The following PLCXD2 variants were observed in gnomAD, a reference collection of about 807,000 sequenced individuals.
PLCXD2 encodes PI-PLC X domain-containing protein 2.
A neutral mutation model predicts 28.6 loss-of-function variants in PLCXD2; 21 were observed. The observed-to-expected ratio is 0.73, with a 90% confidence interval of 0.52 to 1.06. PLCXD2 has a LOEUF of 1.06. Among genes scored for constraint, PLCXD2 ranks in the 50% least tolerant of loss-of-function variants. The probability of loss-of-function intolerance (pLI) is 0.00; values close to 1 mark genes in which losing one functional copy is unlikely to be tolerated. For missense variants in PLCXD2, 369 were observed against 376.7 expected (o/e 0.98, Z 0.17); for synonymous variants, 140 against 150.1 (o/e 0.93, Z 0.49).
rs1941235181 is a variant in PLCXD2 at position 111,714,020 on chromosome 3, A to T, written c.758A>T (p.Glu253Val). ...CTCTTCTTGGAGACCACTCTGAGTG[A>T]GCGGGCCTCACGGGGCTCCTTCCAT... Residue 253 changes from glutamate to valine, a missense_variant, in exon 3 of 5, where the codon GAG (glutamate) becomes GTG (valine). By Grantham distance (121) the Glu-to-Val change is moderately radical. Transcript: ENST00000477665. 1 of 1,614,046 alleles carries T rather than the reference A, an allele frequency of 6.2e-7. No homozygotes were observed. The highest frequency in any genetic ancestry group is 8.5e-7 in the Non-Finnish European group (1 of 1,180,036).
chr3:111,705,325 C>T (rs1168288451), intron 1 of PLCXD2, among the ~76,000 whole-genome samples: 2 of 152,148 alleles, frequency 1.3e-5, no homozygotes, highest in Non-Finnish European at 2.9e-5. Flanking sequence ...ATTCGTGTTG[C>T]TGTGAATGGC....
At chr3:111,706,798 A>C (rs1481143146) in intron 1 of PLCXD2, among the ~76,000 whole-genome samples, 1 of 141,862 alleles carries the variant, frequency 7.0e-6, no homozygotes, top group African/African-American at 2.8e-5. Context: ...TATCAGACAA[A>C]ATAGACTTTA....
At chr3:111,696,692 G>T (rs1199106338) in intron 1 of PLCXD2, among the ~76,000 whole-genome samples, 2 of 152,064 alleles carry the variant, frequency 1.3e-5, no homozygotes, top group Non-Finnish European at 2.9e-5. Flanking sequence ...CTGACTATTC[G>T]TTATAGAAAA....
chr3:111,717,442 A>G (rs528520247), intron 3 of PLCXD2, among the ~76,000 whole-genome samples: 20 of 152,260 alleles, frequency 1.3e-4, no homozygotes, highest in Non-Finnish European at 1.5e-5. Context: ...TGTCCTGGTA[A>G]ATACCAAGAG....
Position 111,685,281 on chromosome 3 carries a change from TA to T in PLCXD2, c.163+9874del, listed in dbSNP as rs561225899. 5.9e-5 allele frequency among the ~76,000 whole-genome samples: 9 copies of T among 152,388 alleles called. No individual in the cohort carries two copies. The South Asian group carries it at 1.9e-3, about 32-fold the overall frequency. The stretch of plus-strand genomic sequence containing the variant: ...ATTTGAACTAAGATTGTACTTCTTT[TA>T]GAAAATTTGTTGAGTTTCTATTCCC... On this transcript the variant is annotated intron_variant, in intron 1 of 4. Coordinates refer to ENST00000477665, the MANE Select transcript of PLCXD2 (RefSeq NM_001185106.1).
At chr3:111,702,639 C>T (rs190962503) in intron 1 of PLCXD2, among the ~76,000 whole-genome samples, 1 of 152,152 alleles carries the variant, frequency 6.6e-6, no homozygotes, top group East Asian at 1.9e-4. Context: ...AGGTCCTAAG[C>T]TGTTTGCTGA....
chr3:111,695,160 T>TAA (rs10662190), intron 1 of PLCXD2, among the ~76,000 whole-genome samples: 2,717 of 132,288 alleles, frequency 0.021, 47 homozygotes, highest in East Asian at 0.067. Context: ...ACCCATTTTC[T>TAA]AAAAAAAAAA....
intron 3 of PLCXD2, among the ~76,000 whole-genome samples, chr3:111,717,605 A>G (rs908310755): frequency 3.3e-5 from 5 of 152,204 alleles, no homozygotes; most frequent in African/African-American, 9.7e-5. Context: ...CCACAGGTAC[A>G]TACCTTTCAC....
chr3:111,715,717 A>G (rs1288013484), intron 3 of PLCXD2, among the ~76,000 whole-genome samples: 1 of 152,166 alleles, frequency 6.6e-6, no homozygotes, highest in African/African-American at 2.4e-5. Context: ...AGTGACCCCA[A>G]TCCATACAGC....
At chr3:111,708,562 GGGC>G (rs1305580106) in intron 2 of PLCXD2, among the ~76,000 whole-genome samples, 176 bp downstream of exon 2, 10 of 152,192 alleles carry the variant, frequency 6.6e-5, no homozygotes, top group South Asian at 2.1e-4. Context: ...TCAAGGGCCA[GGGC>G]TAACACCTGC....
chr3:111,683,875 T>C (rs1333223932), intron 1 of PLCXD2, among the ~76,000 whole-genome samples: 2 of 152,078 alleles, frequency 1.3e-5, no homozygotes, highest in Non-Finnish European at 2.9e-5. Flanking sequence ...CAGGATAAGA[T>C]AAACACAGTA....
chr3:111,675,503 T>G, intron 1 of PLCXD2, 95 bp downstream of exon 1: 1 of 1,414,124 alleles, frequency 7.1e-7, no homozygotes, highest in Non-Finnish European at 9.9e-7. Context: ...GCTGAGAAAT[T>G]AATTGTCAGT....
chr3:111,675,214 G>A lies in PLCXD2; in HGVS notation c.-32G>A, dbSNP rs1006901909. The A allele has an allele frequency of 6.2e-7, 1 of 1,605,698 alleles. No homozygotes were observed. The highest frequency in any genetic ancestry group is 8.5e-7 in the Non-Finnish European group (1 of 1,174,058). On this transcript the variant is annotated 5_prime_UTR_variant, in exon 1 of 5. Transcript: ENST00000477665. ...GATGATCACTGAGTGAGTGGCACTG[G>A]GCTGAGACTGGCCAGTTTGTTAACA...
At chr3:111,687,348 T>C (rs1940809786) in intron 1 of PLCXD2, among the ~76,000 whole-genome samples, 1 of 152,152 alleles carries the variant, frequency 6.6e-6, no homozygotes, top group Admixed American at 6.5e-5. Context: ...ATGATGGTAA[T>C]TAAAATGGAA....
At chr3:111,704,555 T>C (rs1412679697) in intron 1 of PLCXD2, among the ~76,000 whole-genome samples, 1 of 152,214 alleles carries the variant, frequency 6.6e-6, no homozygotes, top group Non-Finnish European at 1.5e-5. Flanking sequence ...TCACACCCCC[T>C]GCCCTTTTAT....
At chr3:111,709,092 GA>G (rs1277646549) in intron 2 of PLCXD2, among the ~76,000 whole-genome samples, 12 of 115,104 alleles carry the variant, frequency 1.0e-4, no homozygotes, top group East Asian at 6.2e-4. Context: ...ACACTCTCTG[GA>G]AAAAAAAAAA....
At chr3:111,710,113 AC>A (rs1186847973) in intron 2 of PLCXD2, among the ~76,000 whole-genome samples, 3 of 152,204 alleles carry the variant, frequency 2.0e-5, no homozygotes, top group African/African-American at 7.2e-5. Context: ...AACTGGAAAT[AC>A]CAAGTTGTTT....
rs1941236845 is a variant in PLCXD2, at chr3:111,714,102, G to A, written c.840G>A (p.Gly280=). 2 of 1,613,952 alleles carry A rather than the reference G, an allele frequency of 1.2e-6. No individual in the cohort carries two copies. Among genetic ancestry groups the A allele is most frequent in the African/African-American group, 1.3e-5 (1 of 74,900 alleles). The change falls in exon 3 of 5, where the codon GGG becomes GGA. Residue 280 remains glycine, a synonymous_variant. Transcript: ENST00000477665. Reference sequence around the variant, plus strand: ...AGACCATTGCCCGGGGCTTGGTTGGGGGCCTCAAGAACACGCTGGTTCATA... The same window carrying A: ...AGACCATTGCCCGGGGCTTGGTTGGAGGCCTCAAGAACACGCTGGTTCATA...
Position 111,675,057 on chromosome 3 carries a change from C to A in PLCXD2, c.-189C>A. 1 of 613,982 alleles carries A rather than the reference C, an allele frequency of 1.6e-6. No homozygotes were observed. The highest frequency in any genetic ancestry group is 2.1e-5 in the South Asian group (1 of 46,646). 38.0% of individuals were successfully genotyped at this position (613,982 alleles called of 1,614,324 possible). On this transcript the variant is annotated 5_prime_UTR_variant, in exon 1 of 5. Transcript: ENST00000477665. ...TAAGGGAGTGGAGCGGAGGCTGGGC[C>A]GGAGAGAGTGGGGACTGTGAGTGCT...
Sources: allele counts gnomAD v4.1 joint callset (sites outside exome capture counted in the v4.1 genomes callset), GRCh38; gene constraint gnomAD v4.1.1; transcripts MANE v1.5; gene names NCBI Gene and HGNC (gene_info 2026-07-23, HGNC 2026-07-21).